The following GRK7 variants were observed in gnomAD, a reference collection of about 807,000 sequenced individuals.
GRK7 encodes rhodopsin kinase GRK7.
Under a neutral mutation model 34.1 loss-of-function variants are expected in GRK7, and 24 were observed. The observed-to-expected ratio is 0.70, with a 90% CI of 0.51 to 0.99. The LOEUF is 0.99. Among genes scored for constraint, GRK7 ranks in the 50% least tolerant of loss-of-function variants. The probability of loss-of-function intolerance (pLI) is 0.00; values close to 1 mark genes in which losing one functional copy is unlikely to be tolerated. For missense variants in GRK7, 644 were observed against 707.3 expected (o/e 0.91, Z 1.02); for synonymous variants, 256 against 279.4 (o/e 0.92, Z 0.84).
intron 4 of GRK7, among the ~76,000 whole-genome samples, chr3:141,790,642 C>T (rs529059716): frequency 3.3e-5 from 5 of 151,486 alleles, no homozygotes; most frequent in East Asian, 3.9e-4. Context: ...TGGCTCACTG[C>T]GACCTCTGCC....
At chr3:141,767,944 A>G (rs1395953578) in intron 1 of GRK7, among the ~76,000 whole-genome samples, 1 of 152,234 alleles carries the variant, frequency 6.6e-6, no homozygotes, top group Non-Finnish European at 1.5e-5. Flanking sequence ...CTAGGTACAC[A>G]CTATGATAAC....
intron 1 of GRK7, among the ~76,000 whole-genome samples, chr3:141,770,419 T>C (rs554962128): frequency 6.6e-6 from 1 of 152,190 alleles, no homozygotes; most frequent in African/African-American, 2.4e-5. Context: ...AGATTTCAAC[T>C]AGGAGCCACC....
At chr3:141,801,824 G>A (rs920645151) in intron 4 of GRK7, among the ~76,000 whole-genome samples, 1 of 152,078 alleles carries the variant, frequency 6.6e-6, no homozygotes, top group Non-Finnish European at 1.5e-5. Context: ...GTTGAAGCCA[G>A]GTGAAGACTA....
the GRK7 span, among the ~76,000 whole-genome samples, chr3:141,757,382 C>A: frequency 7.2e-6 from 1 of 138,800 alleles, no homozygotes; most frequent in African/African-American, 2.7e-5. Context: ...CAATTCCCAC[C>A]TATGAGTGAG....
At chr3:141,781,034 A>G (rs1173115604) in intron 4 of GRK7, among the ~76,000 whole-genome samples, 2 of 151,950 alleles carry the variant, frequency 1.3e-5, no homozygotes, top group Non-Finnish European at 2.9e-5. Flanking sequence ...GGGATGGGGG[A>G]GCCTCCTTTG....
At chr3:141,801,926 A>G (rs1212767693) in intron 4 of GRK7, among the ~76,000 whole-genome samples, 1 of 152,210 alleles carries the variant, frequency 6.6e-6, no homozygotes, top group African/African-American at 2.4e-5. Flanking sequence ...TGGGGAAAAA[A>G]ATGGGGGAAG....
At chr3:141,814,152 T>C (rs73872343) in intron 5 of GRK7, among the ~76,000 whole-genome samples, 2 of 152,188 alleles carry the variant, frequency 1.3e-5, no homozygotes, top group Non-Finnish European at 2.9e-5. Context: ...GGAGAGACCA[T>C]GAATATGATT....
chr3:141,816,095 A>G (rs899913770), intron 5 of GRK7, among the ~76,000 whole-genome samples: 1 of 152,204 alleles, frequency 6.6e-6, no homozygotes, highest in Non-Finnish European at 1.5e-5. Context: ...TTTTCTTTAG[A>G]TACTCTAATA....
intron 1 of GRK7, among the ~76,000 whole-genome samples, chr3:141,770,908 T>C (rs2084613969): frequency 6.7e-6 from 1 of 150,356 alleles, no homozygotes; most frequent in Admixed American, 6.7e-5. Flanking sequence ...GAGGATCACT[T>C]GAAACCAAAG....
intron 5 of GRK7, 116 bp from the exon 6 acceptor site, chr3:141,816,598 T>C: frequency 1.8e-6 from 1 of 568,430 alleles, no homozygotes; most frequent in Non-Finnish European, 3.0e-6. Context: ...TATTATATTG[T>C]CTTTGCAATT....
chr3:141,771,838 C>T (rs933575007), intron 1 of GRK7, among the ~76,000 whole-genome samples: 5 of 151,970 alleles, frequency 3.3e-5, no homozygotes, highest in Admixed American at 2.0e-4. Flanking sequence ...GCACCCACCA[C>T]CATGCCCGGC....
intron 1 of GRK7, among the ~76,000 whole-genome samples, chr3:141,770,203 T>A (rs2084610616): frequency 6.6e-6 from 1 of 152,146 alleles, no homozygotes; most frequent in South Asian, 2.1e-4. Context: ...GTTCTAGAGG[T>A]AGGTATCAAA....
chr3:141,767,150 T>C (rs1365657240), intron 1 of GRK7, among the ~76,000 whole-genome samples: 3 of 152,188 alleles, frequency 2.0e-5, no homozygotes, highest in African/African-American at 2.4e-5. Flanking sequence ...ATACAGATTC[T>C]TTCACCCCTA....
intron 4 of GRK7, among the ~76,000 whole-genome samples, chr3:141,806,562 C>CAA (rs1362781172): frequency 6.6e-6 from 1 of 150,612 alleles, no homozygotes. Context: ...TACTCCATCT[C>CAA]AAAAATATAT....
intron 4 of GRK7, among the ~76,000 whole-genome samples, chr3:141,785,567 C>A (rs1314753298): frequency 1.3e-5 from 2 of 152,116 alleles, no homozygotes; most frequent in African/African-American, 4.8e-5. Flanking sequence ...AGTTCGAGAC[C>A]AGCCTGGCCA....
rs902062040 is a variant in GRK7 at position 141,764,984 on chromosome 3, T to C, written c.-969T>C. Among the ~76,000 whole-genome samples the C allele has an allele frequency of 1.8e-4, 27 of 152,036 alleles. No individual in the cohort carries two copies. The highest frequency in any genetic ancestry group is 6.5e-4 in the African/African-American group (27 of 41,350). On this transcript the variant is annotated 5_prime_UTR_variant, in exon 1 of 6. Transcript: ENST00000682958. ...TCTCACCAGGGTTACTGCAGCAGCC[T>C]CCAGACTGGTTTTTCTGTTTTAACC...
At chr3:141,793,985 G>A (rs2084737842) in intron 4 of GRK7, among the ~76,000 whole-genome samples, 1 of 152,148 alleles carries the variant, frequency 6.6e-6, no homozygotes, top group Admixed American at 6.5e-5. Context: ...GACTGGACCT[G>A]AGGAAGCATG....
At chr3:141,815,517 A>G (rs1342784707) in intron 5 of GRK7, among the ~76,000 whole-genome samples, 1 of 152,098 alleles carries the variant, frequency 6.6e-6, no homozygotes, top group East Asian at 1.9e-4. Flanking sequence ...AACCAAGAGG[A>G]GTATGGTAGG....
chr3:141,755,575 A>G, the GRK7 span, among the ~76,000 whole-genome samples: 1 of 152,216 alleles, frequency 6.6e-6, no homozygotes, highest in Non-Finnish European at 1.5e-5. Context: ...GTCAGTTGGC[A>G]CCTGAAAATG....
Sources: allele counts gnomAD v4.1 joint callset (sites outside exome capture counted in the v4.1 genomes callset), GRCh38; gene constraint gnomAD v4.1.1; transcripts MANE v1.5; gene names NCBI Gene and HGNC (gene_info 2026-07-23, HGNC 2026-07-21).